FBXL17: variants seen among roughly 807,000 people sequenced by gnomAD.
FBXL17 encodes the protein F-box and leucine rich repeat protein 17.
Under a neutral mutation model 66.2 loss-of-function variants are expected in FBXL17, and 22 were observed. The ratio of observed to expected loss-of-function variants is 0.33; its 90% CI spans 0.24 to 0.47. The LOEUF is 0.47. FBXL17 is among the 20% of genes least tolerant of loss of function. The pLI is 1.00. For synonymous variants in FBXL17, 474 were observed against 400.5 expected (o/e 1.18, Z -2.19); for missense variants, 878 against 948.2 (o/e 0.93, Z 0.97).
rs144567618 is a variant in FBXL17 at position 108,291,639 on chromosome 5, T to C, written c.1506+56760A>G. On this transcript the variant is annotated intron_variant, in intron 4 of 8. Transcript: ENST00000542267. ...CAGTATGCTAACTTCCAAATTACCA[T>C]GATCTGAGTTCCAGATCTCAAGACA... Among the ~76,000 whole-genome samples the C allele has an allele frequency of 3.0e-3, 463 of 152,322 alleles. 2 individuals are homozygous for C. Among genetic ancestry groups the C allele is most frequent in the African/African-American group, 0.011 (440 of 41,576 alleles).
At chr5:107,923,701 G>C (rs112402779) in intron 7 of FBXL17, among the ~76,000 whole-genome samples, 3 of 152,238 alleles carry the variant, frequency 2.0e-5, no homozygotes, top group African/African-American at 7.2e-5. Context: ...TAAAACACTA[G>C]GGTACTTGAT....
At chr5:108,100,845 C>T (rs72798160) in intron 6 of FBXL17, among the ~76,000 whole-genome samples, 8,332 of 152,120 alleles carry the variant, frequency 0.055, 400 homozygotes, top group African/African-American at 0.13. Context: ...GGGGGAACTG[C>T]CCATAAGAAG....
chr5:108,271,403 A>G (rs907473924), intron 4 of FBXL17, among the ~76,000 whole-genome samples: 4 of 152,342 alleles, frequency 2.6e-5, no homozygotes, highest in Admixed American at 2.6e-4. Flanking sequence ...CACACACAGA[A>G]CAAACCAGGT....
At chr5:108,292,114 G>A (rs1476352143) in intron 4 of FBXL17, among the ~76,000 whole-genome samples, 2 of 149,802 alleles carry the variant, frequency 1.3e-5, no homozygotes, top group African/African-American at 4.9e-5. Flanking sequence ...TGTTAACATA[G>A]CAACGAAAAA....
At chr5:108,156,487 A>AT (rs1320854153) in intron 6 of FBXL17, among the ~76,000 whole-genome samples, 1 of 151,690 alleles carries the variant, frequency 6.6e-6, no homozygotes, top group Non-Finnish European at 1.5e-5. Flanking sequence ...AAACCGAAGT[A>AT]TTTTTTTTAA....
chr5:108,252,127 G>C (rs567539612), intron 4 of FBXL17, among the ~76,000 whole-genome samples: 8 of 152,186 alleles, frequency 5.3e-5, no homozygotes, highest in East Asian at 3.9e-4. Flanking sequence ...ACAATATAAA[G>C]AAAAGAGAAC....
intron 5 of FBXL17, among the ~76,000 whole-genome samples, chr5:108,222,640 C>A (rs1017365673): frequency 6.8e-6 from 1 of 147,024 alleles, no homozygotes; most frequent in Non-Finnish European, 1.5e-5. Flanking sequence ...AAACTTCGTA[C>A]TAATTTTCTA....
chr5:108,345,306 C>T (rs972274276), intron 4 of FBXL17, among the ~76,000 whole-genome samples: 1 of 150,926 alleles, frequency 6.6e-6, no homozygotes, highest in African/African-American at 2.4e-5. Context: ...CATTGCACTC[C>T]AGCCTGGGTT....
chr5:107,983,347 A>G (rs1752895198), intron 7 of FBXL17, among the ~76,000 whole-genome samples: 1 of 151,632 alleles, frequency 6.6e-6, no homozygotes, highest in Non-Finnish European at 1.5e-5. Context: ...ACGCGCCACT[A>G]TGCCCAGCTA....
chr5:108,058,367 C>A lies in FBXL17; in HGVS notation c.1746-37366G>T, dbSNP rs138533533. On this transcript the variant is annotated intron_variant, in intron 6 of 8. Coordinates refer to ENST00000542267, the MANE Select transcript of FBXL17 (RefSeq NM_001163315.3). ...TTCAAAGCCAAGATATGCACTCTTA[C>A]TATTTTCTACAGTCTACATGGATTC... is the stretch of plus-strand genomic sequence containing the variant. Among the ~76,000 whole-genome samples, 3 of 152,276 alleles carry A rather than the reference C, an allele frequency of 2.0e-5. No individual in the cohort carries two copies. The East Asian group carries it at 5.8e-4, about 29-fold the overall frequency.
At chr5:108,094,556 A>G (rs2149933638) in intron 6 of FBXL17, among the ~76,000 whole-genome samples, 1 of 152,264 alleles carries the variant, frequency 6.6e-6, no homozygotes, top group African/African-American at 2.4e-5. Context: ...CACTCTGCTC[A>G]TTCACATGAA....
intron 7 of FBXL17, among the ~76,000 whole-genome samples, chr5:107,889,150 C>T (rs1749109871): frequency 6.6e-6 from 1 of 152,144 alleles, no homozygotes; most frequent in Admixed American, 6.5e-5. Context: ...CAGAGTGCCT[C>T]TACCCTTGTA....
chr5:108,072,588 G>A (rs1025266904), intron 6 of FBXL17, among the ~76,000 whole-genome samples: 2 of 152,158 alleles, frequency 1.3e-5, no homozygotes, highest in African/African-American at 2.4e-5. Context: ...GGTGCCTGTA[G>A]TCCCAGCTAC....
At chr5:108,282,420 T>C (rs569806713) in intron 4 of FBXL17, among the ~76,000 whole-genome samples, 9 of 151,954 alleles carry the variant, frequency 5.9e-5, no homozygotes, top group African/African-American at 2.2e-4. Flanking sequence ...AAAAACCATA[T>C]GATCATCTCA....
chr5:108,059,379 T>TAG (rs1158571079), intron 6 of FBXL17, among the ~76,000 whole-genome samples: 1 of 152,170 alleles, frequency 6.6e-6, no homozygotes, highest in Non-Finnish European at 1.5e-5. Context: ...ATGAAGAAGC[T>TAG]AGAGTCTACA....
chr5:108,217,141 C>A (rs1403590898), intron 5 of FBXL17, among the ~76,000 whole-genome samples: 5 of 152,022 alleles, frequency 3.3e-5, no homozygotes, highest in Non-Finnish European at 7.4e-5. Context: ...TAAGCACATT[C>A]CTTCCCCTTC....
rs1035561746 is a variant in FBXL17 at position 107,860,371 on chromosome 5, G to C, written c.*1349C>G. ...GATAATCACTCTTTAGCTTAAAAAGGCTCCCTGATGTCCTCATTATAAATC... is the reference window on the plus strand; with the variant it reads ...GATAATCACTCTTTAGCTTAAAAAGCCTCCCTGATGTCCTCATTATAAATC... On this transcript the variant is annotated 3_prime_UTR_variant, in exon 9 of 9. Transcript: ENST00000542267. The C allele has an allele frequency of 6.6e-6, 1 of 152,520 alleles. No homozygotes were observed. Among genetic ancestry groups the C allele is most frequent in the Non-Finnish European group, 1.5e-5 (1 of 68,006 alleles). 9.4% of individuals were successfully genotyped at this position (152,520 alleles called of 1,614,324 possible). A position where few individuals can be genotyped will look rare whatever the true frequency, so the allele number is the denominator to read the frequency against.
chr5:108,006,786 T>G (rs925496775), intron 7 of FBXL17, among the ~76,000 whole-genome samples: 5 of 152,188 alleles, frequency 3.3e-5, no homozygotes, highest in African/African-American at 1.2e-4. Context: ...AAGTTCAACT[T>G]TCTTCACTGT....
intron 6 of FBXL17, among the ~76,000 whole-genome samples, chr5:108,035,930 G>A (rs1746824205): frequency 6.6e-6 from 1 of 152,128 alleles, no homozygotes; most frequent in South Asian, 2.1e-4. Context: ...AAATAACAAT[G>A]AAAATACTAA....
Sources: allele counts gnomAD v4.1 joint callset (sites outside exome capture counted in the v4.1 genomes callset), GRCh38; gene constraint gnomAD v4.1.1; transcripts MANE v1.5; gene names NCBI Gene and HGNC (gene_info 2026-07-23, HGNC 2026-07-21).